OLFML2B: variants seen among roughly 807,000 people sequenced by gnomAD.
OLFML2B encodes the protein olfactomedin like 2B.
In OLFML2B, 57 loss-of-function variants were observed where a neutral mutation model predicts 74.9. That is an observed-to-expected ratio of 0.76 (90% CI 0.61 to 0.95). OLFML2B has a LOEUF of 0.95. OLFML2B is among the 40% of genes least tolerant of loss of function. OLFML2B has a pLI of 0.00. For synonymous variants in OLFML2B, 388 were observed against 405.8 expected, an observed-to-expected ratio of 0.96 and a Z score of 0.53; for missense variants, 986 against 970.6, an observed-to-expected ratio of 1.02 and a Z score of -0.21.
Position 162,002,649 on chromosome 1 carries a change from C to T in OLFML2B, c.724-2311G>A, listed in dbSNP as rs577899888. ...ATGACAAGAGAGTTCTTCTGGATGG[C>T]ACAACCAATGGGGTTGTGTATCTCT... On this transcript the variant is annotated intron_variant, in intron 4 of 7. Coordinates refer to ENST00000294794, the MANE Select transcript of OLFML2B (RefSeq NM_015441.3). Among the ~76,000 whole-genome samples, 6 of 152,344 alleles carry T rather than the reference C, an allele frequency of 3.9e-5. No individual in the cohort carries two copies. The South Asian group carries it at 8.3e-4, about 21-fold the overall frequency.
Position 162,023,439 on chromosome 1 carries a change from C to A in OLFML2B, c.-9G>T. 6.5e-7 allele frequency: 1 copy of A among 1,541,840 alleles called. No individual in the cohort carries two copies. Among genetic ancestry groups the A allele is most frequent in the South Asian group, 1.2e-5 (1 of 81,910 alleles). ...AGCCGAGGCTTGGCCATGAGGGGCG[C>A]GATAAGAGTGTCCTCAGCCCCTTCA... On this transcript the variant is annotated 5_prime_UTR_variant, in exon 1 of 8. Transcript: ENST00000294794.
intron 4 of OLFML2B, among the ~76,000 whole-genome samples, chr1:162,005,520 C>T (rs969798166): frequency 2.0e-5 from 3 of 152,168 alleles, no homozygotes; most frequent in African/African-American, 7.2e-5. Context: ...TTACAAAGTC[C>T]CCTATAAATG....
intron 6 of OLFML2B, among the ~76,000 whole-genome samples, chr1:161,987,562 C>T (rs556500858): frequency 1.7e-4 from 26 of 152,308 alleles, no homozygotes; most frequent in African/African-American, 6.3e-4. Flanking sequence ...GAAACGGATT[C>T]TCCCCTCAAG....
Position 162,023,751 on chromosome 1 carries a change from G to T in OLFML2B, c.-321C>A. ...GCAGGAGGGCTCAGGTGGCTGGAAG[G>T]CGTTCGGACAGACGCCCGCGGTGCG... On this transcript the variant is annotated 5_prime_UTR_variant, in exon 1 of 8. Coordinates refer to ENST00000294794, the MANE Select transcript of OLFML2B (RefSeq NM_015441.3). The T allele has an allele frequency of 5.2e-6, 1 of 191,874 alleles. No individual in the cohort carries two copies. The highest frequency in any genetic ancestry group is 1.1e-5 in the Non-Finnish European group (1 of 94,202). 11.9% of individuals were successfully genotyped at this position (191,874 alleles called of 1,614,324 possible).
At position 161,984,857 on chromosome 1, in the gene OLFML2B, T is replaced by G. The variant is rs1239325515; in HGVS notation, c.1598A>C (p.Tyr533Ser). The G allele has an allele frequency of 1.2e-6, 2 of 1,613,180 alleles. No individual in the cohort carries two copies. Among genetic ancestry groups the G allele is most frequent in the African/African-American group, 2.7e-5 (2 of 74,592 alleles). Reference sequence around the variant, plus strand: ...CTCTACCAGGGTGTTGCCGTAGTAATAGTTGGTTACGTAAATCCGCTCATC... The same window carrying G: ...CTCTACCAGGGTGTTGCCGTAGTAAGAGTTGGTTACGTAAATCCGCTCATC... ...AKDERIYVTN[Y>S]YYGNTLVEFR... The change falls in exon 7 of 8, where the codon TAT becomes TCT. Residue 533 changes from tyrosine to serine, a missense_variant. Physicochemically the swap from Tyr to Ser is moderately radical, Grantham distance 144 (BLOSUM62 -2). Transcript: ENST00000294794.
intron 3 of OLFML2B, among the ~76,000 whole-genome samples, chr1:162,009,657 C>T (rs148821217): frequency 1.8e-4 from 28 of 152,320 alleles, no homozygotes; most frequent in African/African-American, 5.1e-4. Context: ...GCCTGCCAGC[C>T]GCCTGAATAA....
intron 5 of OLFML2B, among the ~76,000 whole-genome samples, chr1:161,998,719 T>C (rs931588711): frequency 2.0e-5 from 3 of 152,116 alleles, no homozygotes; most frequent in African/African-American, 7.2e-5. Context: ...CAAGGATCCT[T>C]GACCTCACAG....
At chr1:162,000,022 G>A in intron 5 of OLFML2B, 91 bp downstream of exon 5, 1 of 954,238 alleles carries the variant, frequency 1.0e-6, no homozygotes, top group Non-Finnish European at 1.6e-6. Flanking sequence ...ATGGAGGGGT[G>A]TATGGCTCCC....
At chr1:162,007,351 C>A (rs1690263582) in intron 3 of OLFML2B, among the ~76,000 whole-genome samples, 1 of 152,116 alleles carries the variant, frequency 6.6e-6, no homozygotes, top group African/African-American at 2.4e-5. Flanking sequence ...TGGAGGCGTC[C>A]CAGGTAGCTT....
chr1:162,003,968 G>A lies in OLFML2B; in HGVS notation c.723+2329C>T, dbSNP rs980863403. 3.3e-4 allele frequency among the ~76,000 whole-genome samples: 50 copies of A among 152,320 alleles called. 1 individual carries two copies. The highest frequency in any genetic ancestry group is 3.1e-3 in the Admixed American group (48 of 15,304). ...TTCAGCAGCCTGATGAATGGGGACT[G>A]GAGGAGGGGAAGGGACTTTGCTGAG... On this transcript the variant is annotated intron_variant, in intron 4 of 7. Coordinates refer to ENST00000294794, the MANE Select transcript of OLFML2B (RefSeq NM_015441.3).
At chr1:161,990,023 T>C (rs1236497573) in intron 6 of OLFML2B, among the ~76,000 whole-genome samples, 3 of 152,366 alleles carry the variant, frequency 2.0e-5, no homozygotes, top group East Asian at 1.9e-4. Context: ...TATGTTGAAA[T>C]TGATACGAAA....
chr1:162,012,928 T>C (rs775501203), intron 3 of OLFML2B, among the ~76,000 whole-genome samples: 13 of 152,188 alleles, frequency 8.5e-5, no homozygotes, highest in Non-Finnish European at 1.9e-4. Context: ...TCCACTTTAG[T>C]AATAAATCTG....
At chr1:161,990,928 C>T (rs1171038385) in intron 6 of OLFML2B, among the ~76,000 whole-genome samples, 2 of 152,196 alleles carry the variant, frequency 1.3e-5, no homozygotes, top group African/African-American at 2.4e-5. Flanking sequence ...GGTTCCATAT[C>T]AAGAAACCAC....
chr1:161,986,680 G>A (rs1689599707), intron 6 of OLFML2B, among the ~76,000 whole-genome samples: 1 of 152,214 alleles, frequency 6.6e-6, no homozygotes, highest in African/African-American at 2.4e-5. Flanking sequence ...TGATGGAAAA[G>A]CTCTCATTCC....
intron 6 of OLFML2B, among the ~76,000 whole-genome samples, chr1:161,990,682 T>C (rs1689712019): frequency 6.6e-6 from 1 of 152,210 alleles, no homozygotes; most frequent in African/African-American, 2.4e-5. Context: ...GCTGTGGCAA[T>C]TTCTTAAAAT....
intron 1 of OLFML2B, among the ~76,000 whole-genome samples, chr1:162,020,567 C>T (rs924601279): frequency 2.0e-5 from 3 of 151,424 alleles, no homozygotes; most frequent in African/African-American, 7.3e-5. Flanking sequence ...CACTCTGTTG[C>T]CCAGACTGGA....
chr1:162,006,346 A>T lies in OLFML2B; in HGVS notation c.674T>A (p.Ile225Asn). 1 of 1,611,742 alleles carries T rather than the reference A, an allele frequency of 6.2e-7. No individual in the cohort carries two copies. Among genetic ancestry groups the T allele is most frequent in the Non-Finnish European group, 8.5e-7 (1 of 1,179,270 alleles). ...SENILDSMPD[I>N]RSALQRDAAA... ...TGCATCCCTCTGCAGGGCTGAGCGG[A>T]TGTCTGGCATGCTATCTAGGATGTT... Residue 225 changes from isoleucine to asparagine, a missense_variant, in exon 4 of 8, where the codon ATC becomes AAC. Ile to Asn is a moderately radical substitution (Grantham distance 149). Transcript: ENST00000294794.
chr1:162,019,194 C>T (rs1435693281), intron 2 of OLFML2B, among the ~76,000 whole-genome samples: 2 of 152,302 alleles, frequency 1.3e-5, no homozygotes, highest in South Asian at 2.1e-4. Context: ...TGTCTGGTAT[C>T]GTGCCAAGTA....
chr1:162,015,548 C>T (rs1158332217), intron 3 of OLFML2B, among the ~76,000 whole-genome samples: 1 of 152,202 alleles, frequency 6.6e-6, no homozygotes, highest in Admixed American at 6.5e-5. Flanking sequence ...TATAGAAGAG[C>T]AATCCTTTTC....
Sources: allele counts gnomAD v4.1 joint callset (sites outside exome capture counted in the v4.1 genomes callset), GRCh38; gene constraint gnomAD v4.1.1; transcripts MANE v1.5; gene names NCBI Gene and HGNC (gene_info 2026-07-23, HGNC 2026-07-21).